ST7: variants seen among roughly 807,000 people sequenced by gnomAD.
The protein encoded by ST7 is suppressor of tumorigenicity 7 protein.
Under a neutral mutation model 78.7 loss-of-function variants are expected in ST7, and 28 were observed. The ratio of observed to expected loss-of-function variants is 0.36; its 90% confidence interval spans 0.26 to 0.49. The LOEUF is 0.49. Among genes scored for constraint, ST7 ranks in the 20% least tolerant of loss-of-function variants. ST7 has a pLI of 0.99. For synonymous variants in ST7, 247 were observed against 249.6 expected, an observed-to-expected ratio of 0.99 and a Z score of 0.10; for missense variants, 418 against 696.0, an observed-to-expected ratio of 0.60 and a Z score of 4.49.
intron 1 of ST7, among the ~76,000 whole-genome samples, chr7:117,075,806 A>G (rs183741741): frequency 2.0e-5 from 3 of 152,306 alleles, no homozygotes; most frequent in Admixed American, 6.5e-5. Flanking sequence ...AACCAGCCCA[A>G]TTGCCCCATA....
chr7:117,198,768 A>G (rs1810543180), intron 12 of ST7, among the ~76,000 whole-genome samples: 1 of 152,082 alleles, frequency 6.6e-6, no homozygotes, highest in Non-Finnish European at 1.5e-5. Context: ...TGTCCTAGGC[A>G]TGCATGAGGT....
At chr7:117,017,619 A>G (rs1388729839) in intron 1 of ST7, among the ~76,000 whole-genome samples, 2 of 152,102 alleles carry the variant, frequency 1.3e-5, no homozygotes, top group Non-Finnish European at 2.9e-5. Context: ...GGATTGTATT[A>G]TATGACTTTT....
rs962581829 is a variant in ST7, at chr7:117,222,091, G to A, written c.1638+29G>A. 7.0e-6 allele frequency: 11 copies of A among 1,582,460 alleles called. No individual in the cohort carries two copies. The African/African-American group carries it at 1.5e-4, about 22-fold the overall frequency. On this transcript the variant is annotated intron_variant, in intron 15 of 15. Transcript: ENST00000323984. Reference sequence around the variant, plus strand: ...AGTGTTTGCCTAGAGGGAGGCCTTGGGGAATGGATGGGGAAAGCCAAGGGC... The same window carrying A: ...AGTGTTTGCCTAGAGGGAGGCCTTGAGGAATGGATGGGGAAAGCCAAGGGC...
At chr7:116,988,466 C>T (rs1317203820) in intron 1 of ST7, among the ~76,000 whole-genome samples, 6 of 152,098 alleles carry the variant, frequency 3.9e-5, no homozygotes, top group Non-Finnish European at 8.8e-5. Flanking sequence ...TCAGAGAGTC[C>T]TTTAACATTG....
intron 1 of ST7, among the ~76,000 whole-genome samples, chr7:117,012,463 C>T (rs2115929270): frequency 6.6e-6 from 1 of 152,044 alleles, no homozygotes; most frequent in South Asian, 2.1e-4. Context: ...GATAATACCT[C>T]CTAGGGTCGT....
chr7:117,165,229 G>A (rs1431496745), intron 9 of ST7, among the ~76,000 whole-genome samples: 1 of 152,104 alleles, frequency 6.6e-6, no homozygotes, highest in Non-Finnish European at 1.5e-5. Flanking sequence ...TGTTTACCTG[G>A]AATTGCAGAA....
At chr7:116,973,311 G>T (rs1271746306) in intron 1 of ST7, among the ~76,000 whole-genome samples, 2 of 152,128 alleles carry the variant, frequency 1.3e-5, no homozygotes, top group Non-Finnish European at 2.9e-5. Flanking sequence ...AGGCTGGAGT[G>T]CAGTGGCACA....
At chr7:117,037,709 A>C (rs748514152) in intron 1 of ST7, among the ~76,000 whole-genome samples, 1 of 152,218 alleles carries the variant, frequency 6.6e-6, no homozygotes, top group Admixed American at 6.5e-5. Context: ...ACTTCCGATT[A>C]TATGGCAAAT....
At chr7:117,193,614 C>T (rs38889) in intron 12 of ST7, among the ~76,000 whole-genome samples, 13,095 of 152,230 alleles carry the variant, frequency 0.086, 868 homozygotes, top group East Asian at 0.2. Context: ...GGAAACAGAC[C>T]AGCCTAGGCT....
chr7:116,986,934 ACTTCTGCTGCTGGGC>A (rs2116360037), intron 1 of ST7, among the ~76,000 whole-genome samples: 1 of 152,280 alleles, frequency 6.6e-6, no homozygotes, highest in East Asian at 1.9e-4. Flanking sequence ...ATGATTAAGA[ACTTCTGCTGCTGGGC>A]CTTTAAGTGA....
chr7:117,194,746 C>T (rs1378661012), intron 12 of ST7, among the ~76,000 whole-genome samples: 1 of 152,172 alleles, frequency 6.6e-6, no homozygotes, highest in Non-Finnish European at 1.5e-5. Flanking sequence ...GGATTTGGGG[C>T]CTTCTTTCTG....
intron 1 of ST7, chr7:116,972,405 C>T (rs1190250996): frequency 2.9e-6 from 2 of 693,068 alleles, no homozygotes; most frequent in African/African-American, 3.6e-5. Context: ...GACTCAGACA[C>T]TTCAGATTCT....
chr7:117,164,445 G>A (rs575362376), intron 9 of ST7, among the ~76,000 whole-genome samples: 1 of 152,276 alleles, frequency 6.6e-6, no homozygotes, highest in South Asian at 2.1e-4. Flanking sequence ...GAGGGGGTGG[G>A]TGGTGACATT....
chr7:116,957,063 C>G (rs1011011900), intron 1 of ST7: 1 of 171,248 alleles, frequency 5.8e-6, no homozygotes, highest in Middle Eastern at 3.0e-3. Context: ...TGATGAACAA[C>G]CATACCGTTT....
chr7:116,958,837 T>A (rs570679215), intron 1 of ST7, among the ~76,000 whole-genome samples: 1 of 152,310 alleles, frequency 6.6e-6, no homozygotes, highest in Admixed American at 6.5e-5. Context: ...AAAAAAATGC[T>A]ATCTGAGCCT....
intron 1 of ST7, among the ~76,000 whole-genome samples, chr7:116,992,512 A>C (rs951586493): frequency 6.6e-6 from 1 of 152,198 alleles, no homozygotes; most frequent in African/African-American, 2.4e-5. Flanking sequence ...TGCAGGGCAC[A>C]AAGTCCCTAG....
intron 1 of ST7, among the ~76,000 whole-genome samples, chr7:117,004,151 G>T (rs1157687479): frequency 6.6e-6 from 1 of 152,150 alleles, no homozygotes; most frequent in Admixed American, 6.5e-5. Flanking sequence ...ATGTTGACTT[G>T]ATCCAGATGG....
chr7:117,069,032 G>A (rs192256768), intron 1 of ST7, among the ~76,000 whole-genome samples: 24 of 152,378 alleles, frequency 1.6e-4, no homozygotes, highest in Admixed American at 2.6e-4. Context: ...ACTAGTCAAG[G>A]AGGTGCTTGG....
At chr7:117,185,828 C>T (rs545342213) in intron 10 of ST7, among the ~76,000 whole-genome samples, 4 of 152,244 alleles carry the variant, frequency 2.6e-5, no homozygotes, top group Admixed American at 2.6e-4. Flanking sequence ...GAGGCTGAGG[C>T]AGGAGAATCG....
Sources: gnomAD v4.1 joint callset for allele counts (sites outside exome capture counted in the v4.1 genomes callset) on GRCh38, gnomAD v4.1.1 for gene constraint, MANE v1.5 for transcripts, NCBI Gene and HGNC (gene_info 2026-07-23, HGNC 2026-07-21) for gene names.